Variants in MAF observed in about 807,000 individuals in gnomAD.
MAF encodes the protein transcription factor Maf.
Under a neutral mutation model 22.0 loss-of-function variants are expected in MAF, and 10 were observed. That is an observed-to-expected ratio of 0.45 (90% confidence interval 0.28 to 0.77). MAF has a LOEUF of 0.77. Among genes scored for constraint, MAF ranks in the 30% least tolerant of loss-of-function variants. MAF has a pLI of 0.12. For missense variants in MAF, 544 were observed against 548.4 expected, an observed-to-expected ratio of 0.99 and a Z score of 0.08; for synonymous variants, 337 against 255.8, an observed-to-expected ratio of 1.32 and a Z score of -3.03.
At chr16:79,596,204 T>C (rs1913514768) in intron 1 of MAF, 1 of 1,061,572 alleles carries the variant, frequency 9.4e-7, no homozygotes, top group African/African-American at 1.6e-5. Context: ...TTTTGTTTTG[T>C]TTTTCCTACC....
At chr16:79,306,148 T>C in the MAF span, among the ~76,000 whole-genome samples, 2 of 152,360 alleles carry the variant, frequency 1.3e-5, no homozygotes, top group Middle Eastern at 3.4e-3. Context: ...CTGCCTCCTA[T>C]GCTTTCTTAA....
the MAF span, chr16:79,212,600 A>ACATTGTAC: frequency 2.5e-5 from 4 of 159,830 alleles, no homozygotes; most frequent in Non-Finnish European, 5.6e-5. Context: ...TCTTGCTTTC[A>ACATTGTAC]CATTGTACTT....
chr16:79,594,615 G>GTTT (rs1305262839), intron 1 of MAF, 62 bp from the exon 2 acceptor site: 1 of 1,541,904 alleles, frequency 6.5e-7, no homozygotes, highest in Admixed American at 2.0e-5. Context: ...CAGCGTAAAG[G>GTTT]GGAAAGCTAG....
At chr16:79,377,228 A>G in the MAF span, among the ~76,000 whole-genome samples, 2 of 152,198 alleles carry the variant, frequency 1.3e-5, no homozygotes, top group African/African-American at 4.8e-5. Flanking sequence ...AACTGGTGTG[A>G]GATGGTATCT....
At chr16:79,277,114 T>A in the MAF span, among the ~76,000 whole-genome samples, 1 of 152,180 alleles carries the variant, frequency 6.6e-6, no homozygotes, top group South Asian at 2.1e-4. Context: ...CATGGCTCAC[T>A]GTAACCTCAA....
chr16:79,303,921 G>C, the MAF span, among the ~76,000 whole-genome samples: 188 of 152,320 alleles, frequency 1.2e-3, 2 homozygotes, highest in African/African-American at 4.3e-3. Context: ...AAAAAAAAGA[G>C]AGAGGTTAAG....
the MAF span, among the ~76,000 whole-genome samples, chr16:79,466,449 A>G: frequency 1.6e-4 from 25 of 152,210 alleles, no homozygotes; most frequent in Non-Finnish European, 2.8e-4. Context: ...CAAAGAAAAT[A>G]TTCAAGCATC....
the MAF span, among the ~76,000 whole-genome samples, chr16:79,257,997 G>C: frequency 3.3e-5 from 5 of 152,128 alleles, no homozygotes; most frequent in Non-Finnish European, 7.4e-5. Flanking sequence ...CTAGTATGTT[G>C]AATTTTAAAA....
the MAF span, among the ~76,000 whole-genome samples, chr16:79,473,679 T>C: frequency 1.3e-5 from 2 of 152,156 alleles, no homozygotes. Context: ...TATGACATTA[T>C]TGATTTATTC....
At chr16:79,556,907 A>G in the MAF span, among the ~76,000 whole-genome samples, 2 of 152,182 alleles carry the variant, frequency 1.3e-5, no homozygotes, top group African/African-American at 2.4e-5. Flanking sequence ...AATGTGATCA[A>G]TAAGTACCAG....
At chr16:79,319,100 A>T in the MAF span, among the ~76,000 whole-genome samples, 14 of 152,128 alleles carry the variant, frequency 9.2e-5, no homozygotes, top group African/African-American at 3.1e-4. Context: ...TTAAGCAGGC[A>T]CACTTTCCCT....
the MAF span, among the ~76,000 whole-genome samples, chr16:79,509,073 C>T: frequency 1.3e-4 from 20 of 152,278 alleles, no homozygotes; most frequent in Middle Eastern, 3.4e-3. Context: ...CTGCTCTAGT[C>T]TTCATATTTA....
At chr16:79,323,261 G>A in the MAF span, among the ~76,000 whole-genome samples, 1 of 150,994 alleles carries the variant, frequency 6.6e-6, no homozygotes, top group Non-Finnish European at 1.5e-5. Flanking sequence ...ACTGGAAGGG[G>A]GGATGACATG....
At chr16:79,208,072 T>C in the MAF span, among the ~76,000 whole-genome samples, 4 of 152,214 alleles carry the variant, frequency 2.6e-5, no homozygotes, top group Non-Finnish European at 4.4e-5. Flanking sequence ...TGACAGATGA[T>C]TTTTGAAAGA....
chr16:79,207,730 C>A, the MAF span, among the ~76,000 whole-genome samples: 1 of 151,916 alleles, frequency 6.6e-6, no homozygotes, highest in African/African-American at 2.4e-5. Flanking sequence ...AACATGTGTC[C>A]CTGTGAGTAT....
chr16:79,466,623 G>A, the MAF span, among the ~76,000 whole-genome samples: 6 of 152,296 alleles, frequency 3.9e-5, no homozygotes, highest in East Asian at 5.8e-4. Flanking sequence ...AAAGATTTTT[G>A]GAATGCATGT....
the MAF span, among the ~76,000 whole-genome samples, chr16:79,397,209 G>C: frequency 6.6e-6 from 1 of 152,204 alleles, no homozygotes; most frequent in South Asian, 2.1e-4. Context: ...TTGGCAATCT[G>C]TGTCTTCCAC....
At chr16:79,387,088 GTTA>G in the MAF span, among the ~76,000 whole-genome samples, 2 of 152,214 alleles carry the variant, frequency 1.3e-5, no homozygotes, top group East Asian at 3.9e-4. Context: ...TTTTGGTTTT[GTTA>G]TTATTATTAT....
chr16:79,529,589 GA>G, the MAF span, among the ~76,000 whole-genome samples: 27 of 152,302 alleles, frequency 1.8e-4, no homozygotes, highest in East Asian at 5.0e-3. Context: ...ACAATTTATG[GA>G]TACGTGTCAG....
Sources: allele counts gnomAD v4.1 joint callset (sites outside exome capture counted in the v4.1 genomes callset), GRCh38; gene constraint gnomAD v4.1.1; transcripts MANE v1.5; gene names NCBI Gene and HGNC (gene_info 2026-07-23, HGNC 2026-07-21).